Variants in XKR3 observed in about 807,000 individuals in gnomAD.
XKR3 encodes XK-related protein 3.
In XKR3, 27 loss-of-function variants were observed where a neutral mutation model predicts 40.3. The observed-to-expected ratio is 0.67, with a 90% confidence interval of 0.49 to 0.92. The LOEUF (loss-of-function observed/expected upper bound fraction) is 0.92. Ranked by LOEUF, XKR3 falls within the 40% of genes least tolerant of loss-of-function variation. The pLI is 0.00. For synonymous variants in XKR3, 193 were observed against 195.4 expected (o/e 0.99, Z 0.10); for missense variants, 472 against 537.6 (o/e 0.88, Z 1.21).
chr22:16,797,790 C>T (rs1342857958), intron 3 of XKR3, among the ~76,000 whole-genome samples: 23 of 114,480 alleles, frequency 2.0e-4, no homozygotes, highest in Non-Finnish European at 2.5e-4. Flanking sequence ...GAGACTCTGT[C>T]TCAAAAAAAA....
At chr22:16,797,575 G>A (rs4597636) in intron 3 of XKR3, among the ~76,000 whole-genome samples, 27,496 of 150,188 alleles carry the variant, frequency 0.18, 2,934 homozygotes, top group East Asian at 0.29. Context: ...GGCAGATCAC[G>A]AGGTCAGGAG....
chr22:16,813,530 T>A lies in XKR3; in HGVS notation c.-10-5447A>T, dbSNP rs1483773271. ...TTATCTTGGTGGTTTTATTATAGAATATGTGGATTTGCACCAATTATATCA... is the reference window on the plus strand; with the variant it reads ...TTATCTTGGTGGTTTTATTATAGAAAATGTGGATTTGCACCAATTATATCA... On this transcript the variant is annotated intron_variant, in intron 1 of 3. Coordinates refer to ENST00000684488, the MANE Select transcript of XKR3 (RefSeq NM_001386955.1). Among the ~76,000 whole-genome samples, 3 of 152,124 alleles carry A rather than the reference T, an allele frequency of 2.0e-5. No homozygotes were observed. In the East Asian group the frequency reaches 5.8e-4, roughly 29 times the overall value.
At chr22:16,793,204 G>C (rs989882126) in intron 3 of XKR3, among the ~76,000 whole-genome samples, 1 of 152,124 alleles carries the variant, frequency 6.6e-6, no homozygotes, top group Non-Finnish European at 1.5e-5. Context: ...TAGAGGCAAG[G>C]TTTCTCCATG....
intron 1 of XKR3, among the ~76,000 whole-genome samples, chr22:16,822,857 T>C (rs1299160658): frequency 6.6e-6 from 1 of 152,152 alleles, no homozygotes; most frequent in Non-Finnish European, 1.5e-5. Context: ...TTATGCTTGC[T>C]TCCTTTGCTT....
At position 16,785,740 on chromosome 22, in the gene XKR3, C is replaced by G. The variant is rs1356690282; in HGVS notation, c.590-1331G>C. Among the ~76,000 whole-genome samples, 18 of 152,024 alleles carry G rather than the reference C, an allele frequency of 1.2e-4. No homozygotes were observed. In the South Asian group the frequency reaches 3.7e-3, roughly 32 times the overall value. On this transcript the variant is annotated intron_variant, in intron 3 of 3. Transcript: ENST00000684488. ...TTAGCCGGGCATAGACCCAGATACTCGAGAGGCTGAGGCAGGGCAATTACT... is the reference window on the plus strand; with the variant it reads ...TTAGCCGGGCATAGACCCAGATACTGGAGAGGCTGAGGCAGGGCAATTACT...
intron 1 of XKR3, among the ~76,000 whole-genome samples, chr22:16,813,085 T>C (rs1166778003): frequency 6.6e-6 from 1 of 151,848 alleles, no homozygotes; most frequent in Admixed American, 6.6e-5. Flanking sequence ...GAGATAGAGA[T>C]CATCCTGGTT....
At chr22:16,794,383 G>C (rs2060132298) in intron 3 of XKR3, among the ~76,000 whole-genome samples, 2 of 151,898 alleles carry the variant, frequency 1.3e-5, no homozygotes, top group Non-Finnish European at 2.9e-5. Context: ...GATGGCAGCA[G>C]ACCTCTTAGC....
chr22:16,808,859 T>C (rs1207001794), intron 1 of XKR3, among the ~76,000 whole-genome samples: 1 of 152,132 alleles, frequency 6.6e-6, no homozygotes, highest in East Asian at 1.9e-4. Context: ...AACAGTACTT[T>C]TAAATCAAGT....
intron 1 of XKR3, among the ~76,000 whole-genome samples, chr22:16,823,774 T>G (rs2060264978): frequency 6.6e-6 from 1 of 150,422 alleles, no homozygotes; most frequent in African/African-American, 2.4e-5. Flanking sequence ...CAATTCAAAA[T>G]ATGAAACTTT....
chr22:16,807,693 A>G (rs1368264501), intron 2 of XKR3, 46 bp downstream of exon 2: 6 of 1,465,314 alleles, frequency 4.1e-6, no homozygotes, highest in South Asian at 1.4e-5. Context: ...TTTATATTCA[A>G]TTTACTTGTT....
At chr22:16,805,173 T>C (rs1475929328) in intron 2 of XKR3, among the ~76,000 whole-genome samples, 3 of 152,178 alleles carry the variant, frequency 2.0e-5, no homozygotes, top group Admixed American at 2.0e-4. Context: ...ATAATTTGTA[T>C]ACAGAAAATC....
At chr22:16,815,259 C>A (rs1056525820) in intron 1 of XKR3, among the ~76,000 whole-genome samples, 2 of 151,974 alleles carry the variant, frequency 1.3e-5, no homozygotes, top group African/African-American at 4.8e-5. Context: ...ATAGCTGATT[C>A]TTGAATATTA....
At chr22:16,821,891 A>AT (rs2060257937) in intron 1 of XKR3, among the ~76,000 whole-genome samples, 1 of 152,054 alleles carries the variant, frequency 6.6e-6, no homozygotes, top group Non-Finnish European at 1.5e-5. Flanking sequence ...ATGGAGTTAC[A>AT]GTTTAGTTTT....
At chr22:16,813,446 T>C (rs746032683) in intron 1 of XKR3, among the ~76,000 whole-genome samples, 1 of 152,254 alleles carries the variant, frequency 6.6e-6, no homozygotes, top group South Asian at 2.1e-4. Context: ...TGCCATTCTG[T>C]CCGATTTTTA....
At chr22:16,793,932 A>C (rs1159999974) in intron 3 of XKR3, among the ~76,000 whole-genome samples, 2 of 152,222 alleles carry the variant, frequency 1.3e-5, no homozygotes, top group Admixed American at 1.3e-4. Flanking sequence ...GAATAGACCA[A>C]GCTGAGGAAA....
intron 3 of XKR3, among the ~76,000 whole-genome samples, chr22:16,793,383 T>G (rs1469200913): frequency 1.1e-4 from 16 of 152,254 alleles, no homozygotes; most frequent in Admixed American, 7.2e-4. Flanking sequence ...ACATGTTCAA[T>G]GTACACTTAC....
chr22:16,784,109 T>C lies in XKR3; in HGVS notation c.890A>G (p.Asn297Ser). 1 of 1,614,202 alleles carries C rather than the reference T, an allele frequency of 6.2e-7. No individual in the cohort carries two copies. The highest frequency in any genetic ancestry group is 8.5e-7 in the Non-Finnish European group (1 of 1,180,046). Reference protein sequence around the residue: ...GAHLPGNKENNSNMVGTVLML... With the variant: ...GAHLPGNKENSSNMVGTVLML... ...CAGTACTGTACCCACCATATTGGAA[T>C]TATTTTCTTTGTTGCCAGGAAGATG... Residue 297 changes from asparagine (N) to serine (S), a missense_variant, in exon 4 of 4, where the codon AAT becomes AGT. Physicochemically the swap from Asn to Ser is conservative, Grantham distance 46. Transcript: ENST00000684488.
intron 3 of XKR3, among the ~76,000 whole-genome samples, chr22:16,792,699 G>A (rs1027744073): frequency 2.6e-5 from 4 of 152,094 alleles, no homozygotes; most frequent in South Asian, 2.1e-4. Flanking sequence ...CCCTTGTTAC[G>A]AAAGAATTTC....
rs1046083860 is a variant in XKR3, at chr22:16,799,940, C to G, written c.420G>C (p.Lys140Asn). The change falls in exon 3 of 4, where the codon AAG becomes AAC. Residue 140 changes from lysine (K) to asparagine (N), a missense_variant. Lys to Asn is a moderately conservative substitution (Grantham distance 94). Coordinates refer to ENST00000684488, the MANE Select transcript of XKR3 (RefSeq NM_001386955.1). ...TCTCCCTTTCCAGCATCGTGTTTCT[C>G]TTTGTGATGCTAACTTGAGTCTCTT... ...EKEETQVSIT[K>N]RNTMLEREIA... 3.1e-6 allele frequency: 5 copies of G among 1,614,130 alleles called. No homozygotes were observed. Among genetic ancestry groups the G allele is most frequent in the Non-Finnish European group, 3.4e-6 (4 of 1,179,996 alleles).
Sources: gnomAD v4.1 joint callset for allele counts (sites outside exome capture counted in the v4.1 genomes callset) on GRCh38, gnomAD v4.1.1 for gene constraint, MANE v1.5 for transcripts, NCBI Gene and HGNC (gene_info 2026-07-23, HGNC 2026-07-21) for gene names.